The following GNAQ variants were observed in gnomAD, a reference collection of about 807,000 sequenced individuals.
The protein encoded by GNAQ is G protein subunit alpha q.
A neutral mutation model predicts 43.9 loss-of-function variants in GNAQ; 8 were observed. The observed-to-expected ratio is 0.18, with a 90% CI of 0.11 to 0.33. The LOEUF (loss-of-function observed/expected upper bound fraction) is 0.33, where lower values mean the gene tolerates loss of function less well. Among genes scored for constraint, GNAQ ranks in the 10% least tolerant of loss-of-function variants. GNAQ has a pLI of 1.00. For missense variants in GNAQ, 158 were observed against 450.8 expected, an observed-to-expected ratio of 0.35 and a Z score of 5.88; for synonymous variants, 155 against 170.7, an observed-to-expected ratio of 0.91 and a Z score of 0.71.
chr9:77,988,262 A>G (rs1182738482), intron 1 of GNAQ, among the ~76,000 whole-genome samples: 1 of 152,250 alleles, frequency 6.6e-6, no homozygotes, highest in Non-Finnish European at 1.5e-5. Context: ...CCACAGAGGA[A>G]TAACACAGTT....
chr9:77,783,192 G>C (rs1826423306), intron 5 of GNAQ, among the ~76,000 whole-genome samples: 1 of 152,190 alleles, frequency 6.6e-6, no homozygotes, highest in Non-Finnish European at 1.5e-5. Flanking sequence ...TTGTCACTCT[G>C]GTTCCAGATG....
At chr9:77,968,970 C>T (rs749170767) in intron 1 of GNAQ, among the ~76,000 whole-genome samples, 2 of 152,174 alleles carry the variant, frequency 1.3e-5, no homozygotes, top group Non-Finnish European at 2.9e-5. Flanking sequence ...TGCTCTTCTG[C>T]CTAGTGAGGT....
intron 2 of GNAQ, among the ~76,000 whole-genome samples, chr9:77,860,153 T>C (rs1827821661): frequency 1.3e-5 from 2 of 152,184 alleles, no homozygotes. Flanking sequence ...CACTATTTCT[T>C]AGTAGCATGG....
chr9:77,901,346 C>T (rs982839863), intron 2 of GNAQ, among the ~76,000 whole-genome samples: 1 of 152,200 alleles, frequency 6.6e-6, no homozygotes, highest in African/African-American at 2.4e-5. Flanking sequence ...AGCCTTATCT[C>T]TCACCACAAA....
chr9:78,025,310 T>G (rs1823963704), intron 1 of GNAQ, among the ~76,000 whole-genome samples: 1 of 152,242 alleles, frequency 6.6e-6, no homozygotes, highest in African/African-American at 2.4e-5. Context: ...ATTTTATCAG[T>G]AACAGCTATT....
intron 1 of GNAQ, among the ~76,000 whole-genome samples, chr9:77,980,215 T>C (rs371145381): frequency 1.3e-4 from 20 of 152,196 alleles, no homozygotes; most frequent in Admixed American, 1.1e-3. Flanking sequence ...AGGGGTACTA[T>C]GAAGGCAGAC....
At chr9:77,924,011 A>G (rs542158391) in intron 1 of GNAQ, among the ~76,000 whole-genome samples, 5 of 152,322 alleles carry the variant, frequency 3.3e-5, no homozygotes, top group African/African-American at 1.2e-4. Flanking sequence ...GTAAATACAT[A>G]GCCCTCACAC....
intron 2 of GNAQ, among the ~76,000 whole-genome samples, chr9:77,853,118 CG>C (rs1554720743): frequency 6.6e-6 from 1 of 152,054 alleles, no homozygotes; most frequent in Non-Finnish European, 1.5e-5. Flanking sequence ...ACTATGATAA[CG>C]GGAAGAAAAT....
At chr9:77,863,217 A>AGGAAGGAAGGAAGGAAGGAG (rs1827887971) in intron 2 of GNAQ, among the ~76,000 whole-genome samples, 1 of 134,774 alleles carries the variant, frequency 7.4e-6, no homozygotes, top group Non-Finnish European at 1.6e-5. Flanking sequence ...GAAGGAAGGA[A>AGGAAGGAAGGAAGGAAGGAG]GGGAGGAAGG....
At chr9:77,940,528 G>A (rs1454302573) in intron 1 of GNAQ, among the ~76,000 whole-genome samples, 1 of 152,162 alleles carries the variant, frequency 6.6e-6, no homozygotes, top group Non-Finnish European at 1.5e-5. Flanking sequence ...GCAGTGAGCA[G>A]AGATCACACC....
chr9:77,845,164 T>C (rs1037662951), intron 2 of GNAQ, among the ~76,000 whole-genome samples: 6 of 152,178 alleles, frequency 3.9e-5, no homozygotes, highest in African/African-American at 1.4e-4. Flanking sequence ...AAACAAACCA[T>C]TTTTGCAGGG....
intron 3 of GNAQ, among the ~76,000 whole-genome samples, chr9:77,808,676 G>A (rs897163194): frequency 4.6e-5 from 7 of 151,968 alleles, no homozygotes; most frequent in African/African-American, 1.7e-4. Context: ...CAGAATCAAA[G>A]GACTTCAGAA....
chr9:77,930,468 A>T (rs1418519229), intron 1 of GNAQ, among the ~76,000 whole-genome samples: 1 of 152,214 alleles, frequency 6.6e-6, no homozygotes, highest in Non-Finnish European at 1.5e-5. Flanking sequence ...TGTTGACAAA[A>T]CTGATGCATA....
At chr9:78,026,432 G>A (rs1408369193) in intron 1 of GNAQ, among the ~76,000 whole-genome samples, 2 of 152,116 alleles carry the variant, frequency 1.3e-5, no homozygotes, top group African/African-American at 4.8e-5. Flanking sequence ...ACAAAAAAGG[G>A]AACTGTATCC....
At chr9:77,919,562 A>C (rs1465356238) in intron 2 of GNAQ, among the ~76,000 whole-genome samples, 1 of 152,180 alleles carries the variant, frequency 6.6e-6, no homozygotes, top group African/African-American at 2.4e-5. Context: ...AAACAAAGGC[A>C]ACAAGTGGGC....
intron 2 of GNAQ, among the ~76,000 whole-genome samples, chr9:77,819,029 A>AAG (rs1564120114): frequency 1.7e-5 from 2 of 119,184 alleles, no homozygotes; most frequent in South Asian, 2.9e-4. Flanking sequence ...AAAAAAAAAA[A>AAG]CACCCAAAAA....
chr9:77,893,863 T>C (rs142166448), intron 2 of GNAQ, among the ~76,000 whole-genome samples: 164 of 152,256 alleles, frequency 1.1e-3, no homozygotes, highest in African/African-American at 3.9e-3. Context: ...AGCCTCAGCA[T>C]CCATTAGAGG....
intron 2 of GNAQ, among the ~76,000 whole-genome samples, chr9:77,872,261 T>C (rs1048062662): frequency 3.7e-4 from 57 of 152,232 alleles, no homozygotes; most frequent in African/African-American, 1.2e-3. Context: ...ATGGTCAAAT[T>C]ACCATTATGT....
intron 2 of GNAQ, among the ~76,000 whole-genome samples, chr9:77,911,250 TCA>T (rs1194029436): frequency 6.6e-6 from 1 of 152,182 alleles, no homozygotes; most frequent in Non-Finnish European, 1.5e-5. Context: ...GCAAAGACAG[TCA>T]CTGCATGTGT....
Sources: allele counts gnomAD v4.1 joint callset (sites outside exome capture counted in the v4.1 genomes callset), GRCh38; gene constraint gnomAD v4.1.1; transcripts MANE v1.5; gene names NCBI Gene and HGNC (gene_info 2026-07-23, HGNC 2026-07-21).